RGPD3: variants seen among roughly 807,000 people sequenced by gnomAD.
The protein encoded by RGPD3 is RANBP2 like and GRIP domain containing 3.
In RGPD3, 62 loss-of-function variants were observed where a neutral mutation model predicts 154.5. The observed-to-expected ratio is 0.40, with a 90% CI of 0.33 to 0.50. The LOEUF (loss-of-function observed/expected upper bound fraction) is 0.50, where lower values mean the gene tolerates loss of function less well. RGPD3 is among the 20% of genes least tolerant of loss of function. The pLI is 0.59. For synonymous variants in RGPD3, 308 were observed against 607.0 expected, an observed-to-expected ratio of 0.51 and a Z score of 7.24; for missense variants, 919 against 1,716.8, an observed-to-expected ratio of 0.54 and a Z score of 8.21.
At chr2:106,411,692 T>A (rs1475386290) in intron 22 of RGPD3, among the ~76,000 whole-genome samples, 1 of 151,572 alleles carries the variant, frequency 6.6e-6, no homozygotes, top group Non-Finnish European at 1.5e-5. Context: ...CTGGCGTGCA[T>A]CTGTAGTCTC....
At chr2:106,417,804 T>C (rs548905877) in intron 20 of RGPD3, among the ~76,000 whole-genome samples, 1 of 151,398 alleles carries the variant, frequency 6.6e-6, no homozygotes, top group African/African-American at 2.4e-5. Context: ...AAGTGAAAGG[T>C]GTATGAAGAA....
rs1460762586 is a variant in RGPD3, at chr2:106,442,532, G to A, written c.979-1152C>T. Among the ~76,000 whole-genome samples, 19 of 139,132 alleles carry A rather than the reference G, an allele frequency of 1.4e-4. 1 individual carries two copies. Among genetic ancestry groups the A allele is most frequent in the Middle Eastern group, 7.2e-3 (2 of 278 alleles). The allele number at this position is 139,132 out of a possible 152,430, so 91.3% of individuals were successfully genotyped here. The stretch of plus-strand genomic sequence containing the variant: ...AAAAAAGCATGATGAATAGAATGGC[G>A]AAGGGAAGACGTGACAGCTGCCTTC... On this transcript the variant is annotated intron_variant, in intron 7 of 22. Coordinates refer to ENST00000409886, the MANE Select transcript of RGPD3 (RefSeq NM_001144013.2).
At chr2:106,420,433 C>T (rs1676945297) in intron 20 of RGPD3, among the ~76,000 whole-genome samples, 1 of 151,772 alleles carries the variant, frequency 6.6e-6, no homozygotes, top group South Asian at 2.1e-4. Context: ...ATAAAGTAAG[C>T]CAGTCATGAA....
chr2:106,455,177 G>A (rs1222658645), intron 4 of RGPD3, among the ~76,000 whole-genome samples: 3 of 151,804 alleles, frequency 2.0e-5, no homozygotes, highest in African/African-American at 7.3e-5. Flanking sequence ...CAAAAAAATA[G>A]AAATAAAAAA....
At chr2:106,459,034 A>G (rs1678323485) in intron 2 of RGPD3, among the ~76,000 whole-genome samples, 2 of 146,754 alleles carry the variant, frequency 1.4e-5, no homozygotes, top group African/African-American at 4.9e-5. Context: ...GTTTTAAGCC[A>G]AACAATTTCT....
rs1190001419 is a variant in RGPD3, at chr2:106,403,934, A to G, written c.*1285T>C. Among the ~76,000 whole-genome samples the G allele has an allele frequency of 1.3e-5, 2 of 152,260 alleles. No homozygotes were observed. The highest frequency in any genetic ancestry group is 2.4e-5 in the African/African-American group (1 of 41,484). On this transcript the variant is annotated 3_prime_UTR_variant, in exon 23 of 23. Coordinates refer to ENST00000409886, the MANE Select transcript of RGPD3 (RefSeq NM_001144013.2). ...AAGGCTTAAGAGAACTTCAGAGAGC[A>G]TACTATGTGATTAATACATAAATAT...
At chr2:106,455,193 A>G (rs1200992470) in intron 4 of RGPD3, among the ~76,000 whole-genome samples, 1 of 151,466 alleles carries the variant, frequency 6.6e-6, no homozygotes, top group African/African-American at 2.4e-5. Context: ...AAAAAAGTGA[A>G]AGGTTAAATT....
rs368222590 is a variant in RGPD3, at chr2:106,417,506, G to A, written c.4925-1517C>T. On this transcript the variant is annotated intron_variant, in intron 20 of 22. Transcript: ENST00000409886. ...TTAGTTTCGGGAGAATTAAGCAGCT[G>A]CTCTAAAGACTGTGTGTATGTGCTG... Among the ~76,000 whole-genome samples the A allele has an allele frequency of 1.8e-3, 243 of 138,430 alleles. 7 individuals are homozygous for A. The highest frequency in any genetic ancestry group is 5.1e-3 in the African/African-American group (185 of 36,124). The allele number at this position is 138,430 out of a possible 152,430, so 90.8% of individuals were successfully genotyped here.
Position 106,468,306 on chromosome 2 carries a change from T to C in RGPD3, c.-18A>G. Reference sequence around the variant, plus strand: ...CAACTCATCGCGCCACCAACCTGGCTCCCGAGATGCGTGAGACCAGCGCTC... The same window carrying C: ...CAACTCATCGCGCCACCAACCTGGCCCCCGAGATGCGTGAGACCAGCGCTC... On this transcript the variant is annotated 5_prime_UTR_variant, in exon 1 of 23. Coordinates refer to ENST00000409886, the MANE Select transcript of RGPD3 (RefSeq NM_001144013.2). 6.3e-7 allele frequency: 1 copy of C among 1,599,288 alleles called. No homozygotes were observed. The highest frequency in any genetic ancestry group is 2.3e-5 in the East Asian group (1 of 44,340).
intron 22 of RGPD3, among the ~76,000 whole-genome samples, chr2:106,408,661 A>G (rs1222914397): frequency 2.0e-5 from 3 of 149,412 alleles, no homozygotes; most frequent in Non-Finnish European, 3.0e-5. Flanking sequence ...AATGTTTCAC[A>G]TATTATTTTT....
intron 1 of RGPD3, among the ~76,000 whole-genome samples, chr2:106,467,766 T>G (rs1436456706): frequency 7.3e-6 from 1 of 137,374 alleles, no homozygotes; most frequent in Non-Finnish European, 1.5e-5. Flanking sequence ...TCGGGAGCCA[T>G]GACGCCTGAG....
chr2:106,449,191 G>A (rs1407381448), intron 6 of RGPD3, among the ~76,000 whole-genome samples: 1 of 151,264 alleles, frequency 6.6e-6, no homozygotes, highest in Non-Finnish European at 1.5e-5. Flanking sequence ...TTGGCCCTGT[G>A]CGGTGGCTCA....
intron 1 of RGPD3, among the ~76,000 whole-genome samples, chr2:106,461,451 A>C (rs1372657782): frequency 6.6e-6 from 1 of 152,210 alleles, no homozygotes; most frequent in Non-Finnish European, 1.5e-5. Flanking sequence ...CAAAGGGATG[A>C]CTTGTGTCCT....
intron 18 of RGPD3, among the ~76,000 whole-genome samples, chr2:106,428,590 C>A (rs1160509707): frequency 6.6e-6 from 1 of 151,258 alleles, no homozygotes; most frequent in South Asian, 2.1e-4. Flanking sequence ...GATACTATCA[C>A]AAAAGGCTAG....
chr2:106,466,980 A>G (rs1416520710), intron 1 of RGPD3, among the ~76,000 whole-genome samples: 6 of 120,748 alleles, frequency 5.0e-5, no homozygotes, highest in South Asian at 3.2e-4. Context: ...CCGCAGGGCC[A>G]GGTCGAGGCT....
chr2:106,405,605 G>C (rs996132875), intron 22 of RGPD3, among the ~76,000 whole-genome samples: 1 of 152,088 alleles, frequency 6.6e-6, no homozygotes, highest in Non-Finnish European at 1.5e-5. Flanking sequence ...CAAATTCCTG[G>C]GCTCAAGTGA....
chr2:106,415,087 G>A (rs1326701013), intron 21 of RGPD3, among the ~76,000 whole-genome samples: 39 of 151,602 alleles, frequency 2.6e-4, no homozygotes, highest in Non-Finnish European at 4.9e-4. Context: ...CCTCATTTGA[G>A]TAATCCTCAA....
At chr2:106,409,062 AC>A (rs1676595312) in intron 22 of RGPD3, among the ~76,000 whole-genome samples, 1 of 152,104 alleles carries the variant, frequency 6.6e-6, no homozygotes, top group Non-Finnish European at 1.5e-5. Flanking sequence ...ATAGGTAGCA[AC>A]CTGAATGAAA....
intron 22 of RGPD3, among the ~76,000 whole-genome samples, chr2:106,407,016 A>G (rs1676537281): frequency 6.6e-6 from 1 of 151,082 alleles, no homozygotes; most frequent in Non-Finnish European, 1.5e-5. Context: ...GTGGGTCAGG[A>G]GATCAGAAAT....
Sources: gnomAD v4.1 joint callset for allele counts (sites outside exome capture counted in the v4.1 genomes callset) on GRCh38, gnomAD v4.1.1 for gene constraint, MANE v1.5 for transcripts, NCBI Gene and HGNC (gene_info 2026-07-23, HGNC 2026-07-21) for gene names.